SUZ12: variants seen among roughly 807,000 people sequenced by gnomAD.
SUZ12 encodes the protein polycomb protein SUZ12.
A neutral mutation model predicts 87.3 loss-of-function variants in SUZ12; 17 were observed. The ratio of observed to expected loss-of-function variants is 0.19; its 90% confidence interval spans 0.13 to 0.29. SUZ12 has a LOEUF of 0.29. SUZ12 is among the 10% of genes least tolerant of loss of function. The pLI is 1.00. For missense variants in SUZ12, 526 were observed against 912.2 expected (o/e 0.58, Z 5.45); for synonymous variants, 253 against 312.4 (o/e 0.81, Z 2.01).
At chr17:31,940,168 A>T in intron 1 of SUZ12, 118 bp from the exon 2 acceptor site, 1 of 1,351,704 alleles carries the variant, frequency 7.4e-7, no homozygotes, top group Non-Finnish European at 1.0e-6. Flanking sequence ...TGCGATATAA[A>T]TAGTGCGTGA....
intron 10 of SUZ12, 87 bp from the exon 11 acceptor site, chr17:31,993,155 C>G: frequency 1.3e-6 from 1 of 787,736 alleles, no homozygotes; most frequent in Non-Finnish European, 2.0e-6. Context: ...TCTGTGAAAC[C>G]TTTAATATTT....
At chr17:31,947,474 G>A (rs1906702335) in intron 3 of SUZ12, 143 bp from the exon 4 acceptor site, 1 of 1,099,088 alleles carries the variant, frequency 9.1e-7, no homozygotes, top group African/African-American at 1.6e-5. Flanking sequence ...AGTATTCATT[G>A]TTATGGCTAA....
chr17:31,984,137 G>A (rs1437296520), intron 9 of SUZ12, among the ~76,000 whole-genome samples: 2 of 152,124 alleles, frequency 1.3e-5, no homozygotes, highest in Non-Finnish European at 2.9e-5. Flanking sequence ...ACGATATACA[G>A]TAGTACATAC....
intron 5 of SUZ12, among the ~76,000 whole-genome samples, chr17:31,970,810 A>T (rs1908382513): frequency 1.3e-5 from 2 of 152,144 alleles, no homozygotes; most frequent in African/African-American, 2.4e-5. Context: ...TCTCAAAAAA[A>T]AAAAATAAAG....
At chr17:31,941,457 A>G (rs550350399) in intron 3 of SUZ12, among the ~76,000 whole-genome samples, 8 of 151,814 alleles carry the variant, frequency 5.3e-5, no homozygotes, top group South Asian at 4.1e-4. Flanking sequence ...AGGTTTCCCC[A>G]TGTTGGCCAG....
At chr17:31,973,569 A>G (rs1274261825) in intron 6 of SUZ12, among the ~76,000 whole-genome samples, 2 of 152,344 alleles carry the variant, frequency 1.3e-5, no homozygotes, top group East Asian at 3.9e-4. Flanking sequence ...CATTTTAGGT[A>G]AGGGCTAAGA....
At chr17:31,989,739 C>T (rs1360692563) in intron 10 of SUZ12, among the ~76,000 whole-genome samples, 5 of 151,454 alleles carry the variant, frequency 3.3e-5, no homozygotes, top group Admixed American at 3.3e-4. Flanking sequence ...GCTGGCATTA[C>T]AGGCGCCTGC....
chr17:31,976,024 C>G (rs1297670402), intron 7 of SUZ12, among the ~76,000 whole-genome samples: 3 of 152,084 alleles, frequency 2.0e-5, no homozygotes, highest in Admixed American at 6.6e-5. Context: ...GGTATTCATT[C>G]AACAAACACA....
Position 31,937,144 on chromosome 17 carries a change from T to C in SUZ12, c.-103T>C. ...CCTCCCCTCTCTCCTCCTTCCCCCCTCGGTCCGCCGGAGCCTGCTGGGGCG... is the reference window on the plus strand; with the variant it reads ...CCTCCCCTCTCTCCTCCTTCCCCCCCCGGTCCGCCGGAGCCTGCTGGGGCG... On this transcript the variant is annotated 5_prime_UTR_variant, in exon 1 of 16. Coordinates refer to ENST00000322652, the MANE Select transcript of SUZ12 (RefSeq NM_015355.4). 2.0e-6 allele frequency: 2 copies of C among 1,024,550 alleles called. No homozygotes were observed. The highest frequency in any genetic ancestry group is 2.6e-6 in the Non-Finnish European group (2 of 770,176). 63.5% of individuals were successfully genotyped at this position (1,024,550 alleles called of 1,614,324 possible). A position where few individuals can be genotyped will look rare whatever the true frequency, so the allele number is the denominator to read the frequency against.
Position 32,001,034 on chromosome 17 carries a change from A to G in SUZ12, c.*2031A>G, listed in dbSNP as rs1446420003. The G allele has an allele frequency of 1.0e-5, 2 of 198,164 alleles. No homozygotes were observed. Among genetic ancestry groups the G allele is most frequent in the Non-Finnish European group, 2.1e-5 (2 of 95,718 alleles). 12.3% of individuals were successfully genotyped at this position (198,164 alleles called of 1,614,324 possible). On this transcript the variant is annotated 3_prime_UTR_variant, in exon 16 of 16. Coordinates refer to ENST00000322652, the MANE Select transcript of SUZ12 (RefSeq NM_015355.4). ...TGTACATAAAGTTCAATAATATAAA[A>G]GCTGTATTCTGTTTTGGGGTTTTTT... is the stretch of plus-strand genomic sequence containing the variant.
chr17:31,946,797 G>C (rs968858246), intron 3 of SUZ12, among the ~76,000 whole-genome samples: 5 of 152,112 alleles, frequency 3.3e-5, no homozygotes, highest in African/African-American at 1.2e-4. Context: ...GATGAGGCTT[G>C]TTTTTACAAT....
intron 9 of SUZ12, among the ~76,000 whole-genome samples, chr17:31,984,943 G>A (rs935245006): frequency 1.3e-5 from 2 of 152,242 alleles, no homozygotes; most frequent in South Asian, 2.1e-4. Flanking sequence ...ATCACCTGAG[G>A]TTATGAATTT....
chr17:31,989,817 G>A (rs1442040132), intron 10 of SUZ12, among the ~76,000 whole-genome samples: 1 of 146,128 alleles, frequency 6.8e-6, no homozygotes, highest in Non-Finnish European at 1.5e-5. Context: ...CACCTTGTTA[G>A]CCAGGATGGT....
intron 4 of SUZ12, among the ~76,000 whole-genome samples, chr17:31,953,160 T>C (rs1014629288): frequency 3.3e-5 from 5 of 152,084 alleles, no homozygotes; most frequent in African/African-American, 1.2e-4. Flanking sequence ...GGCAGGAATA[T>C]AGTGGCATGA....
intron 4 of SUZ12, among the ~76,000 whole-genome samples, chr17:31,949,676 C>CTGTTTTT (rs1906840368): frequency 8.1e-5 from 1 of 12,372 alleles, no homozygotes; most frequent in African/African-American, 3.5e-4. Flanking sequence ...CCCCCCCCCC[C>CTGTTTTT]TTTTTTTTTT....
At chr17:31,943,655 T>G (rs144520630) in intron 3 of SUZ12, among the ~76,000 whole-genome samples, 2 of 152,280 alleles carry the variant, frequency 1.3e-5, no homozygotes, top group Non-Finnish European at 2.9e-5. Context: ...CCACCCTTGA[T>G]TTATTCTATA....
Position 31,998,833 on chromosome 17 carries a change from A to G in SUZ12, c.2050A>G (p.Met684Val). 1 of 1,613,604 alleles carries G rather than the reference A, an allele frequency of 6.2e-7. No homozygotes were observed. The highest frequency in any genetic ancestry group is 1.1e-5 in the South Asian group (1 of 90,906). The change falls in exon 16 of 16, where the codon ATG becomes GTG. Residue 684 changes from methionine to valine, a missense_variant. Met to Val is a conservative substitution (Grantham distance 21, BLOSUM62 1). Coordinates refer to ENST00000322652, the MANE Select transcript of SUZ12 (RefSeq NM_015355.4). ...TAAAGCTGTTACCAAGCTCCGTGAA[A>G]TGCAGCAAAAATTAGAAAAGGGGGA... Reference protein sequence around the residue: ...IDKAVTKLREMQQKLEKGESA... With the variant: ...IDKAVTKLREVQQKLEKGESA...
chr17:31,976,442 G>T lies in SUZ12; in HGVS notation c.824-79G>T. 6 of 1,166,068 alleles carry T rather than the reference G, an allele frequency of 5.1e-6. No individual in the cohort carries two copies. In the South Asian group the frequency reaches 8.1e-5, roughly 16 times the overall value. The allele number at this position is 1,166,068 out of a possible 1,614,324, so 72.2% of individuals were successfully genotyped here. A position where few individuals can be genotyped will look rare whatever the true frequency, so the allele number is the denominator to read the frequency against. Reference sequence around the variant, plus strand: ...ACCTCATTTGGGATAAATGTAGCATGTTTTATGTTAAGGGACCATATATCA... The same window carrying T: ...ACCTCATTTGGGATAAATGTAGCATTTTTTATGTTAAGGGACCATATATCA... On this transcript the variant is annotated intron_variant, in intron 7 of 15. Transcript: ENST00000322652.
intron 4 of SUZ12, among the ~76,000 whole-genome samples, chr17:31,960,122 G>A (rs1454107372): frequency 6.6e-6 from 1 of 152,166 alleles, no homozygotes; most frequent in African/African-American, 2.4e-5. Flanking sequence ...GAGGGCAGAG[G>A]GAAGGGAGAG....
Sources: allele counts gnomAD v4.1 joint callset (sites outside exome capture counted in the v4.1 genomes callset), GRCh38; gene constraint gnomAD v4.1.1; transcripts MANE v1.5; gene names NCBI Gene and HGNC (gene_info 2026-07-23, HGNC 2026-07-21).